Variants in CBX7 observed in about 807,000 individuals in gnomAD.
CBX7 encodes chromobox 7.
In CBX7, 14 loss-of-function variants were observed where a neutral mutation model predicts 31.4. That is an observed-to-expected ratio of 0.45 (90% CI 0.29 to 0.70). CBX7 has a LOEUF of 0.70. CBX7 is among the 30% of genes least tolerant of loss of function. The pLI, the probability that CBX7 is intolerant of heterozygous loss-of-function variation, is 0.11. For missense variants in CBX7, 269 were observed against 351.9 expected (o/e 0.76, Z 1.89); for synonymous variants, 159 against 152.6 (o/e 1.04, Z -0.31).
chr22:39,151,906 A>C (rs1930871311), intron 1 of CBX7, among the ~76,000 whole-genome samples: 1 of 151,748 alleles, frequency 6.6e-6, no homozygotes, highest in South Asian at 2.1e-4. Flanking sequence ...GCAGGATCGG[A>C]AAAGGCCAAA....
intron 1 of CBX7, among the ~76,000 whole-genome samples, chr22:39,151,106 C>T (rs1357756755): frequency 3.3e-5 from 5 of 152,174 alleles, no homozygotes; most frequent in Non-Finnish European, 5.9e-5. Flanking sequence ...ATGATCTCGC[C>T]CTCTTGTGCT....
At chr22:39,141,875 C>T (rs1057270606) in intron 2 of CBX7, among the ~76,000 whole-genome samples, 1 of 152,210 alleles carries the variant, frequency 6.6e-6, no homozygotes, top group African/African-American at 2.4e-5. Context: ...TTGTCACCTA[C>T]TTCAAGGACA....
rs1210997664 is a variant in CBX7, at chr22:39,152,569, GCACGCGCACGCGCGCACACC to G, written c.-145_-126del. Reference sequence around the variant, plus strand: ...GTCACCCTCGTCCGGGCGCGCACGCGCACGCGCACGCGCGCACACCCCCTCGCGCTCCCTCACGCCGCCGA... The same window carrying G: ...GTCACCCTCGTCCGGGCGCGCACGCGCCCTCGCGCTCCCTCACGCCGCCGA... On this transcript the variant is annotated 5_prime_UTR_variant, in exon 1 of 6. An upstream open reading frame in the 5' UTR loses its in-frame stop. Transcript: ENST00000216133. The surrounding 1 kb of genome is among the most constrained non-coding windows in gnomAD (Gnocchi z 4.9). 2 of 196,772 alleles carry G rather than the reference GCACGCGCACGCGCGCACACC, an allele frequency of 1.0e-5. No homozygotes were observed. The highest frequency in any genetic ancestry group is 1.8e-5 in the Non-Finnish European group (2 of 110,510). The allele number at this position is 196,772 out of a possible 1,614,324, so 12.2% of individuals were successfully genotyped here. A position where few individuals can be genotyped will look rare whatever the true frequency, so the allele number is the denominator to read the frequency against.
chr22:39,139,574 G>C (rs1158494333), intron 3 of CBX7, among the ~76,000 whole-genome samples: 1 of 151,264 alleles, frequency 6.6e-6, no homozygotes, highest in Non-Finnish European at 1.5e-5. Context: ...ATGGTGGCGG[G>C]CACCTGTAGT....
chr22:39,138,754 G>A, intron 3 of CBX7, 52 bp from the exon 4 acceptor site: 1 of 1,540,808 alleles, frequency 6.5e-7, no homozygotes, highest in Non-Finnish European at 9.0e-7. Flanking sequence ...TGACATCTAA[G>A]GGAAGGGAAG....
At chr22:39,141,313 C>G in intron 3 of CBX7, 58 bp downstream of exon 3, 1 of 1,476,314 alleles carries the variant, frequency 6.8e-7, no homozygotes. Context: ...GCAGCAGGCT[C>G]CTGGGAAGCC....
intron 3 of CBX7, among the ~76,000 whole-genome samples, chr22:39,139,639 C>G: frequency 7.3e-6 from 1 of 136,674 alleles, no homozygotes; most frequent in Non-Finnish European, 1.5e-5. Context: ...GGAGGCGGAG[C>G]TTGCAGTGAG....
chr22:39,142,714 A>ACT (rs752036662), intron 2 of CBX7, among the ~76,000 whole-genome samples: 2 of 152,234 alleles, frequency 1.3e-5, no homozygotes, highest in Non-Finnish European at 2.9e-5. Flanking sequence ...AACCAGTATC[A>ACT]CTCACCATCG....
chr22:39,133,793 T>A lies in CBX7; in HGVS notation c.*98A>T, dbSNP rs1930132744. ...CCCCTTTTGCTGCTCGGTATTTTTT[T>A]AAATAAAATAATTACCCCGCCCCCA... On this transcript the variant is annotated 3_prime_UTR_variant, in exon 6 of 6. Transcript: ENST00000216133. 1.8e-5 allele frequency: 22 copies of A among 1,189,950 alleles called. No homozygotes were observed. Among genetic ancestry groups the A allele is most frequent in the South Asian group, 1.5e-4 (8 of 53,924 alleles). 73.7% of individuals were successfully genotyped at this position (1,189,950 alleles called of 1,614,324 possible).
chr22:39,134,995 G>A (rs1410812764), intron 4 of CBX7: 4 of 484,778 alleles, frequency 8.3e-6, no homozygotes, highest in East Asian at 3.3e-5. Context: ...GCGTCCCAGC[G>A]TTTACTCCTT....
chr22:39,140,399 A>C (rs929270739), intron 3 of CBX7, among the ~76,000 whole-genome samples: 4 of 152,222 alleles, frequency 2.6e-5, no homozygotes, highest in African/African-American at 9.7e-5. Flanking sequence ...AGGCAGAAAG[A>C]AACCCTGGGA....
intron 1 of CBX7, among the ~76,000 whole-genome samples, chr22:39,150,341 C>T (rs961879822): frequency 2.6e-5 from 4 of 152,172 alleles, no homozygotes; most frequent in Non-Finnish European, 5.9e-5. Context: ...GGTAATGGGC[C>T]AGTGACTTGA....
chr22:39,152,446 CG>C lies in CBX7; in HGVS notation c.-3del. On this transcript the variant is annotated 5_prime_UTR_variant, in exon 1 of 6. Transcript: ENST00000216133. The surrounding 1 kb of genome is among the most constrained non-coding windows in gnomAD (Gnocchi z 4.9). ...CTCGCCGATGGCTGACAGCTCCATG[CG>C]GGGCGGCGGGCGAGCGGGCCCGGGG... 3 of 1,209,084 alleles carry C rather than the reference CG, an allele frequency of 2.5e-6. No homozygotes were observed. Among genetic ancestry groups the C allele is most frequent in the South Asian group, 2.8e-5 (1 of 35,760 alleles). The allele number at this position is 1,209,084 out of a possible 1,614,324, so 74.9% of individuals were successfully genotyped here.
intron 2 of CBX7, among the ~76,000 whole-genome samples, chr22:39,144,273 C>A (rs1306502917): frequency 1.3e-5 from 2 of 152,214 alleles, no homozygotes; most frequent in Non-Finnish European, 2.9e-5. Flanking sequence ...TTCCCATGTG[C>A]CCCCTGCCAG....
rs1469940174 is a variant in CBX7 at position 39,145,719 on chromosome 22, G to A, written c.113+4070C>T. 7.5e-5 allele frequency among the ~76,000 whole-genome samples: 11 copies of A among 145,838 alleles called. No homozygotes were observed. In the South Asian group the frequency reaches 2.2e-3, roughly 29 times the overall value. The stretch of plus-strand genomic sequence containing the variant: ...CGCGCCGGGATTACCGGCAAACCGA[G>A]GGGGCGGGGGCGGGGGCGGGGACAG... On this transcript the variant is annotated intron_variant, in intron 2 of 5. Coordinates refer to ENST00000216133, the MANE Select transcript of CBX7 (RefSeq NM_175709.5).
chr22:39,145,379 G>T (rs1200508083), intron 2 of CBX7, among the ~76,000 whole-genome samples: 1 of 152,198 alleles, frequency 6.6e-6, no homozygotes, highest in Non-Finnish European at 1.5e-5. Context: ...CGCGCCACTA[G>T]CGTGGGCGCC....
At chr22:39,149,857 A>C (rs781124430) in intron 1 of CBX7, 25 bp from the exon 2 acceptor site, 2 of 1,610,612 alleles carry the variant, frequency 1.2e-6, no homozygotes, top group Admixed American at 3.3e-5. Context: ...AAGCAGACAC[A>C]GTGAGTCTCG....
At chr22:39,150,488 T>C (rs1030039806) in intron 1 of CBX7, among the ~76,000 whole-genome samples, 1 of 152,188 alleles carries the variant, frequency 6.6e-6, no homozygotes, top group African/African-American at 2.4e-5. Flanking sequence ...TTTAAAAGTT[T>C]ACAGTTACGG....
intron 2 of CBX7, 81 bp downstream of exon 2, chr22:39,149,703 TAGGCA>T (rs780303710): frequency 1.3e-4 from 142 of 1,126,810 alleles, no homozygotes; most frequent in Non-Finnish European, 1.8e-4. Context: ...AGCTAAAAGC[TAGGCA>T]GGGGAGGGGG....
Sources: allele counts gnomAD v4.1 joint callset (sites outside exome capture counted in the v4.1 genomes callset), GRCh38; gene constraint gnomAD v4.1.1; non-coding constraint Gnocchi (gnomAD v3.1); transcripts MANE v1.5; gene names NCBI Gene and HGNC (gene_info 2026-07-23, HGNC 2026-07-21).